The following RPS25 variants were observed in gnomAD, a reference collection of about 807,000 sequenced individuals.
RPS25 encodes small ribosomal subunit protein eS25.
RPS25 carries 1 observed loss-of-function variant against 14.4 expected under a neutral mutation model. That is an observed-to-expected ratio of 0.07 (90% CI 0.02 to 0.33). The LOEUF (loss-of-function observed/expected upper bound fraction) is 0.33, where lower values mean the gene tolerates loss of function less well. RPS25 is among the 10% of genes least tolerant of loss of function. The pLI, the probability that RPS25 is intolerant of heterozygous loss-of-function variation, is 1.00. For missense variants in RPS25, 65 were observed against 144.6 expected (o/e 0.45, Z 2.82); for synonymous variants, 63 against 53.8 (o/e 1.17, Z -0.75).
At position 119,017,246 on chromosome 11, in the gene RPS25, G is replaced by A. The variant is rs989306045; in HGVS notation, c.283+116C>T. The A allele has an allele frequency of 4.9e-5, 37 of 751,290 alleles. No individual in the cohort carries two copies. The Admixed American group carries it at 6.7e-4, about 14-fold the overall frequency. The allele number at this position is 751,290 out of a possible 1,614,324, so 46.5% of individuals were successfully genotyped here. ...CAGAATTACATTACTAACAGCCAAT[G>A]GTCAAGCCACGCTTTTTTTTTTTAA... On this transcript the variant is annotated intron_variant, in intron 3 of 4. Coordinates refer to ENST00000527673, the MANE Select transcript of RPS25 (RefSeq NM_001028.3).
At chr11:119,015,797 T>G in intron 4 of RPS25, 39 bp from the exon 5 acceptor site, 1 of 1,386,782 alleles carries the variant, frequency 7.2e-7, no homozygotes. Context: ...CCATAAAGCT[T>G]TGTATCTACC....
chr11:119,017,752 G>A (rs1943198227), intron 2 of RPS25: 1 of 661,470 alleles, frequency 1.5e-6, no homozygotes, highest in South Asian at 2.0e-5. Flanking sequence ...AAATAACACA[G>A]CAGGCACAGC....
chr11:119,018,299 A>T lies in RPS25; in HGVS notation c.-15T>A. The T allele has an allele frequency of 1.2e-6, 2 of 1,614,162 alleles. No individual in the cohort carries two copies. The highest frequency in any genetic ancestry group is 1.7e-6 in the Non-Finnish European group (2 of 1,180,030). On this transcript the variant is annotated 5_prime_UTR_variant, in exon 1 of 5. Coordinates refer to ENST00000527673, the MANE Select transcript of RPS25 (RefSeq NM_001028.3). ...AAGCTTACCATTGCGAAGCTCGGAG[A>T]ATAGCAGCAGACACCGCAGCCTCGT...
chr11:119,017,299 G>T, intron 3 of RPS25, 63 bp downstream of exon 3: 1 of 1,226,968 alleles, frequency 8.2e-7, no homozygotes, highest in Non-Finnish European at 1.1e-6. Flanking sequence ...AACCACTGAA[G>T]ATGCTTAACA....
In RPS25 at chr11:119,017,977, C is replaced by G. The variant is rs1338840682; in HGVS notation, c.80G>C (p.Gly27Ala). 4 of 1,612,478 alleles carry G rather than the reference C, an allele frequency of 2.5e-6. No individual in the cohort carries two copies. The highest frequency in any genetic ancestry group is 2.5e-6 in the Non-Finnish European group (3 of 1,179,934). ...KKDKDPVNKS[G>A]GKAKKKKWSK... Reference sequence around the variant, plus strand: ...TTCTACCTTCTTTTTGGCCTTGCCCCCGGATTTGTTCACTGGGTCTTTGTC... The same window carrying G: ...TTCTACCTTCTTTTTGGCCTTGCCCGCGGATTTGTTCACTGGGTCTTTGTC... Residue 27 changes from glycine to alanine, a missense_variant, in exon 2 of 5, where the codon GGG (glycine) becomes GCG (alanine). Coordinates refer to ENST00000527673, the MANE Select transcript of RPS25 (RefSeq NM_001028.3).
chr11:119,018,311 C>T lies in RPS25; in HGVS notation c.-27G>A, dbSNP rs1490108661. 5 of 1,614,156 alleles carry T rather than the reference C, an allele frequency of 3.1e-6. No homozygotes were observed. Among genetic ancestry groups the T allele is most frequent in the Non-Finnish European group, 2.5e-6 (3 of 1,180,032 alleles). On this transcript the variant is annotated 5_prime_UTR_variant, in exon 1 of 5. Transcript: ENST00000527673. The stretch of plus-strand genomic sequence containing the variant: ...GCGAAGCTCGGAGAATAGCAGCAGA[C>T]ACCGCAGCCTCGTCAAGATGTCGGA...
chr11:119,015,799 G>GTATCTA (rs782284515), intron 4 of RPS25, 41 bp from the exon 5 acceptor site: 52 of 1,386,942 alleles, frequency 3.7e-5, no homozygotes, highest in Non-Finnish European at 4.0e-5. Flanking sequence ...ATAAAGCTTT[G>GTATCTA]TATCTACCTC....
At chr11:119,018,092 T>C (rs1056318418) in intron 1 of RPS25, 39 bp from the exon 2 acceptor site, 1 of 1,598,252 alleles carries the variant, frequency 6.3e-7, no homozygotes, top group Non-Finnish European at 8.6e-7. Context: ...GGTCCTCAAA[T>C]AGCGCCAAAG....
intron 2 of RPS25, 42 bp downstream of exon 2, chr11:119,017,916 G>A (rs782765494): frequency 5.4e-6 from 8 of 1,487,458 alleles, no homozygotes; most frequent in Admixed American, 1.7e-5. Context: ...AGGATTACGA[G>A]AGAGTTACCC....
At chr11:119,018,231 C>T in intron 1 of RPS25, 51 bp downstream of exon 1, 2 of 1,613,874 alleles carry the variant, frequency 1.2e-6, no homozygotes, top group Middle Eastern at 1.7e-4. Context: ...GCTCTCCCCA[C>T]TGAGTCCTCA....
At chr11:119,017,226 T>G in intron 3 of RPS25, 136 bp downstream of exon 3, 1 of 630,584 alleles carries the variant, frequency 1.6e-6, no homozygotes, top group African/African-American at 1.9e-5. Flanking sequence ...GACGTCAGAA[T>G]TACATTACTA....
chr11:119,016,927 CTTA>C (rs1249993545), intron 3 of RPS25, among the ~76,000 whole-genome samples: 5 of 152,016 alleles, frequency 3.3e-5, no homozygotes, highest in African/African-American at 9.7e-5. Context: ...TTAGCTGAGC[CTTA>C]TTATTGTGGA....
chr11:119,018,268 C>G lies in RPS25; in HGVS notation c.3+14G>C, dbSNP rs200669283. The stretch of plus-strand genomic sequence containing the variant: ...ACCCAAGAACGCCGGCGACTTCACA[C>G]CCCTGAAGCTTACCATTGCGAAGCT... On this transcript the variant is annotated intron_variant, in intron 1 of 4. Coordinates refer to ENST00000527673, the MANE Select transcript of RPS25 (RefSeq NM_001028.3). 2 of 1,614,146 alleles carry G rather than the reference C, an allele frequency of 1.2e-6. No homozygotes were observed. Among genetic ancestry groups the G allele is most frequent in the African/African-American group, 1.3e-5 (1 of 75,064 alleles).
intron 1 of RPS25, 24 bp from the exon 2 acceptor site, chr11:119,018,077 A>T: frequency 1.2e-6 from 2 of 1,607,400 alleles, no homozygotes; most frequent in Non-Finnish European, 1.7e-6. Flanking sequence ...GCGGGAATGC[A>T]ACCAGGTCCT....
In RPS25 at chr11:119,017,524, G is replaced by C; in HGVS notation, c.121C>G (p.Arg41Gly). 6.2e-7 allele frequency: 1 copy of C among 1,614,008 alleles called. No individual in the cohort carries two copies. Among genetic ancestry groups the C allele is most frequent in the Non-Finnish European group, 8.5e-7 (1 of 1,179,928 alleles). Residue 41 changes from arginine to glycine, a missense_variant, in exon 3 of 5, where the codon CGG (arginine) becomes GGG (glycine). Physicochemically the swap from Arg to Gly is moderately radical, Grantham distance 125. Transcript: ENST00000527673. Reference protein sequence around the residue: ...KKKKWSKGKVRDKLNNLVLFD... With the variant: ...KKKKWSKGKVGDKLNNLVLFD... ...AAGACTAAGTTATTGAGCTTGTCCCGAACTTTGCCTTTGGACCACTTCTGC... is the reference window on the plus strand; with the variant it reads ...AAGACTAAGTTATTGAGCTTGTCCCCAACTTTGCCTTTGGACCACTTCTGC...
intron 1 of RPS25, 61 bp from the exon 2 acceptor site, chr11:119,018,114 T>TG (rs1943210961): frequency 6.4e-7 from 1 of 1,574,122 alleles, no homozygotes; most frequent in African/African-American, 1.4e-5. Context: ...CCCCTAATAC[T>TG]GCGCCCTCAG....
In RPS25 at chr11:119,017,026, A is replaced by T. The variant is rs1251046333; in HGVS notation, c.283+336T>A. On this transcript the variant is annotated intron_variant, in intron 3 of 4. Transcript: ENST00000527673. ...AATACATCAACAAAATATTTACCAT[A>T]AAGGTTTTAAACATTTTCAAAGTTG... Among the ~76,000 whole-genome samples, 5 of 152,246 alleles carry T rather than the reference A, an allele frequency of 3.3e-5. 1 individual carries two copies. The highest frequency in any genetic ancestry group is 2.0e-4 in the Admixed American group (3 of 15,286).
At position 119,017,940 on chromosome 11, in the gene RPS25, G is replaced by C. The variant is rs781916407; in HGVS notation, c.99+18C>G. ...AGAGAGTTACCCCTAGTCTCTTTCA[G>C]AGAGGTCTTATTTCTACCTTCTTTT... is the stretch of plus-strand genomic sequence containing the variant. On this transcript the variant is annotated intron_variant, in intron 2 of 4. Coordinates refer to ENST00000527673, the MANE Select transcript of RPS25 (RefSeq NM_001028.3). The C allele has an allele frequency of 1.3e-6, 2 of 1,594,268 alleles. No individual in the cohort carries two copies. Among genetic ancestry groups the C allele is most frequent in the African/African-American group, 1.3e-5 (1 of 74,524 alleles).
In RPS25 at chr11:119,016,066, T is replaced by C. The variant is rs1022650951; in HGVS notation, c.284-127A>G. 9 of 610,710 alleles carry C rather than the reference T, an allele frequency of 1.5e-5. No individual in the cohort carries two copies. The Admixed American group carries it at 1.6e-4, about 11-fold the overall frequency. 37.8% of individuals were successfully genotyped at this position (610,710 alleles called of 1,614,324 possible). ...GCTTTGGGAGGTGGAGACGGGCAGA[T>C]AGCTTGAGGTAAGGAGTTGCACACC... On this transcript the variant is annotated intron_variant, in intron 3 of 4. Coordinates refer to ENST00000527673, the MANE Select transcript of RPS25 (RefSeq NM_001028.3).
Sources: gnomAD v4.1 joint callset for allele counts (sites outside exome capture counted in the v4.1 genomes callset) on GRCh38, gnomAD v4.1.1 for gene constraint, MANE v1.5 for transcripts, NCBI Gene and HGNC (gene_info 2026-07-23, HGNC 2026-07-21) for gene names.